The following AVEN variants were observed in gnomAD, a reference collection of about 807,000 sequenced individuals.
The protein encoded by AVEN is cell death regulator Aven.
In AVEN, 41 loss-of-function variants were observed where a neutral mutation model predicts 38.1. That is an observed-to-expected ratio of 1.08 (90% CI 0.84 to 1.40). The LOEUF is 1.40. Among genes scored for constraint, AVEN ranks in the 40% most tolerant of loss-of-function variants. The probability of loss-of-function intolerance (pLI) is 0.00; values close to 1 mark genes in which losing one functional copy is unlikely to be tolerated. For missense variants in AVEN, 605 were observed against 438.8 expected (o/e 1.38, Z -3.38); for synonymous variants, 206 against 171.8 (o/e 1.20, Z -1.56).
intron 2 of AVEN, among the ~76,000 whole-genome samples, chr15:33,937,932 C>CAAAAAAAAAA (rs55887919): frequency 5.9e-5 from 6 of 100,854 alleles, no homozygotes; most frequent in African/African-American, 1.4e-4. Flanking sequence ...CCTACTTGAC[C>CAAAAAAAAAA]AAAAAAAAAA....
intron 2 of AVEN, among the ~76,000 whole-genome samples, chr15:33,906,757 A>G (rs1275612212): frequency 1.3e-5 from 2 of 152,166 alleles, no homozygotes; most frequent in East Asian, 3.8e-4. Flanking sequence ...TTATTGTTTA[A>G]TGGGCATAGA....
At chr15:34,004,199 T>C (rs1188865318) in intron 1 of AVEN, among the ~76,000 whole-genome samples, 1 of 152,216 alleles carries the variant, frequency 6.6e-6, no homozygotes, top group Non-Finnish European at 1.5e-5. Context: ...AAAAGTTCCC[T>C]GTATTACAAC....
intron 2 of AVEN, among the ~76,000 whole-genome samples, chr15:33,965,778 C>T (rs1001590270): frequency 6.6e-6 from 1 of 152,108 alleles, no homozygotes; most frequent in African/African-American, 2.4e-5. Context: ...CTTTCCTCCT[C>T]CTCCTCATAT....
intron 2 of AVEN, among the ~76,000 whole-genome samples, chr15:33,913,978 C>CTGATCATG (rs1893018840): frequency 6.6e-6 from 1 of 152,090 alleles, no homozygotes; most frequent in Non-Finnish European, 1.5e-5. Flanking sequence ...TAAAAGACAA[C>CTGATCATG]TGATCATGTA....
At chr15:33,906,026 G>A (rs1366298632) in intron 2 of AVEN, among the ~76,000 whole-genome samples, 1 of 152,096 alleles carries the variant, frequency 6.6e-6, no homozygotes, top group Non-Finnish European at 1.5e-5. Flanking sequence ...AGCCATGAAG[G>A]CATGCATTAA....
upstream of AVEN, among the ~76,000 whole-genome samples, chr15:34,040,313 T>C (rs1899416149): frequency 6.6e-6 from 1 of 152,124 alleles, no homozygotes; most frequent in African/African-American, 2.4e-5. Flanking sequence ...AAAAGTTAAA[T>C]TATATTTAAA....
chr15:33,891,103 G>GAA, intron 2 of AVEN, among the ~76,000 whole-genome samples: 1 of 144,346 alleles, frequency 6.9e-6, no homozygotes, highest in Admixed American at 6.9e-5. Flanking sequence ...ACTCTGTCTG[G>GAA]AAAAAAAAAA....
At chr15:33,961,597 A>G (rs1214590508) in intron 2 of AVEN, among the ~76,000 whole-genome samples, 1 of 151,784 alleles carries the variant, frequency 6.6e-6, no homozygotes, top group South Asian at 2.1e-4. Flanking sequence ...GCGAATCACG[A>G]GGTCAGGAGA....
At chr15:33,989,921 T>A (rs1222019463) in intron 2 of AVEN, among the ~76,000 whole-genome samples, 1 of 150,284 alleles carries the variant, frequency 6.7e-6, no homozygotes, top group Non-Finnish European at 1.5e-5. Flanking sequence ...GGTACCCAGA[T>A]GAGGCCGGGT....
chr15:33,958,603 A>G (rs1019187512), intron 2 of AVEN, among the ~76,000 whole-genome samples: 4 of 150,164 alleles, frequency 2.7e-5, no homozygotes, highest in Non-Finnish European at 5.9e-5. Context: ...GAAAAAAAAA[A>G]AAAGGAAAAG....
rs142196135 is a variant in AVEN, at chr15:33,892,009, T to C, written c.446-16014A>G. 6.5e-3 allele frequency among the ~76,000 whole-genome samples: 987 copies of C among 152,390 alleles called. 4 individuals are homozygous for C. Among genetic ancestry groups the C allele is most frequent in the Non-Finnish European group, 0.011 (744 of 68,038 alleles). On this transcript the variant is annotated intron_variant, in intron 2 of 5. Coordinates refer to ENST00000306730, the MANE Select transcript of AVEN (RefSeq NM_020371.3). ...TGATGAGCATTTTTTCGTGTGTCTGTTGGCTGCATAAATGTCTTCTTTCGA... is the reference window on the plus strand; with the variant it reads ...TGATGAGCATTTTTTCGTGTGTCTGCTGGCTGCATAAATGTCTTCTTTCGA...
intron 2 of AVEN, among the ~76,000 whole-genome samples, chr15:33,943,367 A>G (rs1894387478): frequency 6.6e-6 from 1 of 152,190 alleles, no homozygotes; most frequent in Non-Finnish European, 1.5e-5. Flanking sequence ...AAAGACAAAT[A>G]CTATATTATT....
At chr15:33,883,316 TGGC>T (rs1203128606) in intron 2 of AVEN, among the ~76,000 whole-genome samples, 3 of 151,820 alleles carry the variant, frequency 2.0e-5, no homozygotes, top group African/African-American at 7.3e-5. Context: ...TGTCTAAATC[TGGC>T]TACTAAAATT....
At chr15:33,963,523 G>A (rs1292305475) in intron 2 of AVEN, among the ~76,000 whole-genome samples, 3 of 152,114 alleles carry the variant, frequency 2.0e-5, no homozygotes, top group South Asian at 4.2e-4. Context: ...CCAGCCGGGC[G>A]CGGTGGCTCA....
chr15:33,950,575 C>T (rs957799070), intron 2 of AVEN, among the ~76,000 whole-genome samples: 2 of 152,124 alleles, frequency 1.3e-5, no homozygotes, highest in African/African-American at 4.8e-5. Context: ...AAAGCCAAAG[C>T]AAGATCTTGA....
intron 5 of AVEN, among the ~76,000 whole-genome samples, chr15:33,867,025 C>T (rs116919912): frequency 0.032 from 4,930 of 152,132 alleles, 155 homozygotes; most frequent in Non-Finnish European, 0.039. Flanking sequence ...AAATGTAATA[C>T]ATGCATGTGG....
intron 1 of AVEN, among the ~76,000 whole-genome samples, chr15:34,024,688 TAAA>T (rs58379586): frequency 1.5e-5 from 2 of 132,000 alleles, no homozygotes; most frequent in African/African-American, 2.8e-5. Flanking sequence ...CCGTCTCTAC[TAAA>T]AAAAAAAAAA....
At chr15:33,894,060 C>T (rs1157096518) in intron 2 of AVEN, among the ~76,000 whole-genome samples, 3 of 151,648 alleles carry the variant, frequency 2.0e-5, no homozygotes, top group African/African-American at 7.3e-5. Context: ...AGTGATTCTC[C>T]TGCCTCAGCC....
intron 2 of AVEN, among the ~76,000 whole-genome samples, chr15:33,988,959 A>T (rs1311454439): frequency 6.6e-6 from 1 of 151,698 alleles, no homozygotes; most frequent in Non-Finnish European, 1.5e-5. Context: ...AGCACATTTG[A>T]TTTTTTTTTC....
Sources: gnomAD v4.1 joint callset for allele counts (sites outside exome capture counted in the v4.1 genomes callset) on GRCh38, gnomAD v4.1.1 for gene constraint, MANE v1.5 for transcripts, NCBI Gene and HGNC (gene_info 2026-07-23, HGNC 2026-07-21) for gene names.